Variants in EYS observed in about 807,000 individuals in gnomAD.
EYS encodes EGF-like photoreceptor maintenance factor.
A neutral mutation model predicts 282.1 loss-of-function variants in EYS; 250 were observed. The ratio of observed to expected loss-of-function variants is 0.89; its 90% CI spans 0.80 to 0.98. The LOEUF is 0.98. Among genes scored for constraint, EYS ranks in the 50% least tolerant of loss-of-function variants. The probability of loss-of-function intolerance (pLI) is 0.00; values close to 1 mark genes in which losing one functional copy is unlikely to be tolerated. For missense variants in EYS, 4,016 were observed against 3,709.0 expected (o/e 1.08, Z -2.15); for synonymous variants, 1,355 against 1,282.9 (o/e 1.06, Z -1.20).
chr6:64,801,006 C>T (rs1354072244), intron 22 of EYS, among the ~76,000 whole-genome samples: 1 of 152,006 alleles, frequency 6.6e-6, no homozygotes, highest in Admixed American at 6.5e-5. Context: ...TCTGAATGAA[C>T]TGTCTTTCTA....
chr6:64,626,540 C>T (rs1169757682), intron 22 of EYS, among the ~76,000 whole-genome samples: 1 of 151,980 alleles, frequency 6.6e-6, no homozygotes, highest in African/African-American at 2.4e-5. Flanking sequence ...AATCCAGTGA[C>T]AAGTGTTCTT....
Position 65,081,182 on chromosome 6 carries a change from T to C in EYS, c.2024-23455A>G, listed in dbSNP as rs117078726. On this transcript the variant is annotated intron_variant, in intron 12 of 42. Transcript: ENST00000503581. ...GTATATTATTGAAATGAAAATAATATATGTGATCATTATGTGTCAGATACT... is the reference window on the plus strand; with the variant it reads ...GTATATTATTGAAATGAAAATAATACATGTGATCATTATGTGTCAGATACT... Among the ~76,000 whole-genome samples the C allele has an allele frequency of 3.3e-4, 50 of 152,216 alleles. No homozygotes were observed. In the East Asian group the frequency reaches 8.5e-3, roughly 26 times the overall value.
rs150577183 is a variant in EYS at position 64,093,740 on chromosome 6, C to T, written c.6425-11738G>A. ...CTTCCTCTTTTCCTAGTTGAATACC[C>T]TTTATTTCCTTCTGCTGCCTGATTG... On this transcript the variant is annotated intron_variant, in intron 31 of 42. Coordinates refer to ENST00000503581, the MANE Select transcript of EYS (RefSeq NM_001142800.2). Among the ~76,000 whole-genome samples, 6 of 152,204 alleles carry T rather than the reference C, an allele frequency of 3.9e-5. No individual in the cohort carries two copies. The East Asian group carries it at 1.2e-3, about 29-fold the overall frequency.
chr6:64,632,666 T>A (rs1767826715), intron 22 of EYS, among the ~76,000 whole-genome samples: 1 of 152,268 alleles, frequency 6.6e-6, no homozygotes, highest in African/African-American at 2.4e-5. Flanking sequence ...TATTTTCTTT[T>A]TTAAAATGTT....
intron 29 of EYS, among the ~76,000 whole-genome samples, chr6:64,362,904 A>G (rs368816443): frequency 8.6e-5 from 13 of 151,914 alleles, no homozygotes; most frequent in African/African-American, 2.4e-4. Flanking sequence ...TAAAGTGCCT[A>G]TCATGTGAAT....
At chr6:65,345,091 GACATCTCCCTACCGTGTGAAT>G (rs1273759589) in intron 9 of EYS, among the ~76,000 whole-genome samples, 2 of 151,536 alleles carry the variant, frequency 1.3e-5, no homozygotes, top group Non-Finnish European at 1.5e-5. Flanking sequence ...TTCATAAACT[GACATCTCCCTACCGTGTGAAT>G]ATTTCACCAA....
chr6:64,807,615 A>C (rs566575407), intron 22 of EYS, among the ~76,000 whole-genome samples: 13 of 152,274 alleles, frequency 8.5e-5, no homozygotes, highest in Non-Finnish European at 1.3e-4. Flanking sequence ...GCATATTATT[A>C]AATTGGCATT....
chr6:64,305,022 T>C (rs1769385822), intron 30 of EYS, among the ~76,000 whole-genome samples: 1 of 152,216 alleles, frequency 6.6e-6, no homozygotes, highest in Non-Finnish European at 1.5e-5. Context: ...ATAACAAAGT[T>C]GGTTGTTTGA....
intron 11 of EYS, among the ~76,000 whole-genome samples, chr6:65,324,601 C>T (rs1769567838): frequency 1.3e-5 from 2 of 152,150 alleles, no homozygotes; most frequent in South Asian, 4.1e-4. Context: ...TGCTCTTCTC[C>T]ACTGTCAGGA....
At chr6:64,634,899 T>C (rs1183296552) in intron 22 of EYS, among the ~76,000 whole-genome samples, 2 of 152,214 alleles carry the variant, frequency 1.3e-5, no homozygotes, top group African/African-American at 4.8e-5. Flanking sequence ...ATTGAATCTG[T>C]AAATTACCTT....
intron 33 of EYS, among the ~76,000 whole-genome samples, chr6:64,051,531 A>T (rs188520236): frequency 6.6e-6 from 1 of 152,176 alleles, no homozygotes; most frequent in African/African-American, 2.4e-5. Flanking sequence ...AGCTAATACT[A>T]TCAAGCTTTA....
At chr6:64,210,335 G>A (rs1241117732) in intron 31 of EYS, among the ~76,000 whole-genome samples, 2 of 152,136 alleles carry the variant, frequency 1.3e-5, no homozygotes, top group African/African-American at 4.8e-5. Flanking sequence ...AGATCAAGGT[G>A]TTGGCAGCCC....
intron 33 of EYS, among the ~76,000 whole-genome samples, chr6:64,005,985 GT>G (rs1290748756): frequency 1.3e-5 from 2 of 152,112 alleles, no homozygotes; most frequent in Non-Finnish European, 2.9e-5. Context: ...TTTTAAAATA[GT>G]TTTTTCTAAT....
At chr6:64,902,060 C>T in intron 18 of EYS, 53 bp downstream of exon 18, 1 of 828,634 alleles carries the variant, frequency 1.2e-6, no homozygotes, top group South Asian at 1.7e-5. Flanking sequence ...TGCTCACTTT[C>T]TTGTTGAATT....
chr6:64,667,781 A>G (rs1769284610), intron 22 of EYS, among the ~76,000 whole-genome samples: 1 of 152,174 alleles, frequency 6.6e-6, no homozygotes, highest in South Asian at 2.1e-4. Flanking sequence ...ATTGTCCATC[A>G]CAAATGAATA....
chr6:64,305,550 G>T (rs1293780479), intron 30 of EYS, among the ~76,000 whole-genome samples: 1 of 152,056 alleles, frequency 6.6e-6, no homozygotes, highest in Non-Finnish European at 1.5e-5. Flanking sequence ...ATTGACTAAT[G>T]GAGTAGAATG....
At chr6:64,838,617 TACACACACACAC>T (rs56901295) in intron 19 of EYS, among the ~76,000 whole-genome samples, 1 of 149,608 alleles carries the variant, frequency 6.7e-6, no homozygotes, top group East Asian at 2.0e-4. Context: ...TCTGTTTCTC[TACACACACACAC>T]ACACACACAC....
intron 26 of EYS, among the ~76,000 whole-genome samples, chr6:64,544,525 C>T (rs1244091039): frequency 6.6e-6 from 1 of 152,076 alleles, no homozygotes; most frequent in Non-Finnish European, 1.5e-5. Context: ...GAGATGGAGA[C>T]ATGGAGGACA....
At chr6:63,851,785 T>A (rs1360877215) in intron 36 of EYS, among the ~76,000 whole-genome samples, 5 of 151,348 alleles carry the variant, frequency 3.3e-5, no homozygotes, top group Admixed American at 6.6e-5. Flanking sequence ...GCAAACAAAT[T>A]CAAAAGCTAG....
Sources: allele counts gnomAD v4.1 joint callset (sites outside exome capture counted in the v4.1 genomes callset), GRCh38; gene constraint gnomAD v4.1.1; transcripts MANE v1.5; gene names NCBI Gene and HGNC (gene_info 2026-07-23, HGNC 2026-07-21).